RBFOX1: variants seen among roughly 807,000 people sequenced by gnomAD.
The protein encoded by RBFOX1 is RNA binding protein fox-1 homolog 1.
RBFOX1 carries 8 observed loss-of-function variants against 57.7 expected under a neutral mutation model. The observed-to-expected ratio is 0.14, with a 90% CI of 0.08 to 0.25. RBFOX1 has a LOEUF of 0.25. RBFOX1 is among the 10% of genes least tolerant of loss of function. The probability of loss-of-function intolerance (pLI) is 1.00; values close to 1 mark genes in which losing one functional copy is unlikely to be tolerated. For synonymous variants in RBFOX1, 326 were observed against 222.4 expected (o/e 1.47, Z -4.15); for missense variants, 611 against 548.5 (o/e 1.11, Z -1.14).
intron 2 of RBFOX1, among the ~76,000 whole-genome samples, chr16:6,338,106 C>T (rs1364291193): frequency 6.6e-6 from 1 of 152,184 alleles, no homozygotes; most frequent in East Asian, 1.9e-4. Flanking sequence ...TGATATTCTA[C>T]TATCAGATAC....
At chr16:5,955,824 A>G (rs1246758198) in intron 4 of RBFOX1, among the ~76,000 whole-genome samples, 1 of 152,214 alleles carries the variant, frequency 6.6e-6, no homozygotes, top group Non-Finnish European at 1.5e-5. Context: ...GAAAACTAAT[A>G]TATATGACAT....
intron 3 of RBFOX1, among the ~76,000 whole-genome samples, chr16:5,692,488 G>A (rs1304965305): frequency 6.6e-5 from 10 of 152,116 alleles, no homozygotes; most frequent in East Asian, 1.9e-4. Context: ...TCCAAAGAGC[G>A]CCTGAGTTGC....
chr16:6,830,882 C>A (rs972770846), intron 3 of RBFOX1, among the ~76,000 whole-genome samples: 1 of 152,170 alleles, frequency 6.6e-6, no homozygotes, highest in African/African-American at 2.4e-5. Context: ...TCTCCCACCT[C>A]CTGGTCAGGT....
intron 1 of RBFOX1, among the ~76,000 whole-genome samples, chr16:6,290,263 G>T (rs55680138): frequency 0.015 from 1,605 of 104,578 alleles, 149 homozygotes; most frequent in Middle Eastern, 0.078. Flanking sequence ...CACTAAGAAC[G>T]AAGGTGAATA....
chr16:6,986,819 C>T (rs111294718), intron 3 of RBFOX1, among the ~76,000 whole-genome samples: 10,050 of 152,126 alleles, frequency 0.066, 444 homozygotes, highest in Non-Finnish European at 0.097. Context: ...AGGGCAGGTG[C>T]CTGTATGTTT....
At chr16:6,872,238 A>G (rs1258664711) in intron 3 of RBFOX1, among the ~76,000 whole-genome samples, 1 of 152,148 alleles carries the variant, frequency 6.6e-6, no homozygotes, top group East Asian at 1.9e-4. Context: ...TAGAGATTTA[A>G]TAATTGTTGT....
chr16:5,713,022 C>G (rs751620292), intron 3 of RBFOX1, among the ~76,000 whole-genome samples: 4 of 152,268 alleles, frequency 2.6e-5, no homozygotes, highest in Middle Eastern at 3.4e-3. Flanking sequence ...GTGGATGAGA[C>G]TTTAGCCAGT....
intron 4 of RBFOX1, among the ~76,000 whole-genome samples, chr16:7,095,281 G>A (rs963341396): frequency 1.3e-4 from 19 of 151,994 alleles, no homozygotes; most frequent in African/African-American, 4.4e-4. Flanking sequence ...GAGATTACAG[G>A]CTGTCACCAC....
chr16:6,619,409 T>C (rs1233450034), intron 2 of RBFOX1, among the ~76,000 whole-genome samples: 1 of 152,212 alleles, frequency 6.6e-6, no homozygotes, highest in Admixed American at 6.5e-5. Context: ...GGCTTGTTGA[T>C]GTTCCCTTTT....
intron 4 of RBFOX1, among the ~76,000 whole-genome samples, chr16:7,250,749 G>A (rs2094472208): frequency 6.6e-6 from 1 of 152,192 alleles, no homozygotes; most frequent in Non-Finnish European, 1.5e-5. Flanking sequence ...GGAGGGTCAT[G>A]CTGTGTATGA....
chr16:7,038,305 G>C (rs756942326), intron 3 of RBFOX1, among the ~76,000 whole-genome samples: 4 of 152,126 alleles, frequency 2.6e-5, no homozygotes, highest in Non-Finnish European at 5.9e-5. Context: ...GATGGGATGG[G>C]GTTGAAGGAG....
intron 1 of RBFOX1, among the ~76,000 whole-genome samples, chr16:6,269,436 A>G (rs1462394612): frequency 1.3e-5 from 2 of 152,234 alleles, no homozygotes; most frequent in Non-Finnish European, 2.9e-5. Flanking sequence ...ACCAAGTCAC[A>G]TGATAGTCAA....
intron 9 of RBFOX1, among the ~76,000 whole-genome samples, chr16:7,599,633 A>T (rs13332754): frequency 0.9 from 126,771 of 140,338 alleles, 57,456 homozygotes; most frequent in African/African-American, 0.95. Context: ...AGAAATTAAT[A>T]AAGACTTTTT....
chr16:6,894,634 T>C (rs1596414406), intron 3 of RBFOX1, among the ~76,000 whole-genome samples: 2 of 152,294 alleles, frequency 1.3e-5, no homozygotes, highest in Middle Eastern at 3.4e-3. Context: ...ACTGACACTT[T>C]CTCTCACTTT....
At chr16:5,549,287 C>T (rs1023703915) in intron 2 of RBFOX1, among the ~76,000 whole-genome samples, 11 of 152,192 alleles carry the variant, frequency 7.2e-5, no homozygotes, top group Non-Finnish European at 1.3e-4. Context: ...CTGTCTCACT[C>T]TCTGAGCTTG....
intron 2 of RBFOX1, among the ~76,000 whole-genome samples, chr16:6,456,155 T>G (rs2094766345): frequency 6.6e-6 from 1 of 152,014 alleles, no homozygotes; most frequent in Non-Finnish European, 1.5e-5. Context: ...TGCTGGGGAG[T>G]GGAGGGAGAA....
intron 1 of RBFOX1, among the ~76,000 whole-genome samples, chr16:6,068,286 T>A (rs12149678): frequency 6.6e-6 from 1 of 152,156 alleles, no homozygotes; most frequent in Non-Finnish European, 1.5e-5. Flanking sequence ...TTTTCAGGAA[T>A]GTGGCAGGCC....
chr16:7,671,548 T>A lies in RBFOX1; in HGVS notation c.931-5226T>A, dbSNP rs768777551. ...GCATTGAAAACATTACATTTCTGTT[T>A]CCTTATAGAGTAGTGTATCAAGAGC... is the stretch of plus-strand genomic sequence containing the variant. On this transcript the variant is annotated intron_variant, in intron 13 of 15. Transcript: ENST00000550418. 6.2e-7 allele frequency: 1 copy of A among 1,605,816 alleles called. No individual in the cohort carries two copies. The highest frequency in any genetic ancestry group is 8.5e-7 in the Non-Finnish European group (1 of 1,173,114).
rs527765462 is a variant in RBFOX1 at position 6,569,671 on chromosome 16, G to A, written c.-63-84932G>A. ...TTCTGTCCATGGGTGGTTTTCTGTG[G>A]GAACCCATCCTGTGAGTACCTTGAC... On this transcript the variant is annotated intron_variant, in intron 2 of 15. Transcript: ENST00000550418. Among the ~76,000 whole-genome samples, 85 of 152,218 alleles carry A rather than the reference G, an allele frequency of 5.6e-4. 1 individual carries two copies. Among genetic ancestry groups the A allele is most frequent in the African/African-American group, 1.5e-3 (63 of 41,546 alleles).
Sources: gnomAD v4.1 joint callset for allele counts (sites outside exome capture counted in the v4.1 genomes callset) on GRCh38, gnomAD v4.1.1 for gene constraint, MANE v1.5 for transcripts, NCBI Gene and HGNC (gene_info 2026-07-23, HGNC 2026-07-21) for gene names.